ACSM2A: variants seen among roughly 807,000 people sequenced by gnomAD.
ACSM2A encodes the protein acyl-coenzyme A synthetase ACSM2A, mitochondrial.
A neutral mutation model predicts 76.6 loss-of-function variants in ACSM2A; 72 were observed. That is an observed-to-expected ratio of 0.94 (90% CI 0.78 to 1.14). The LOEUF (loss-of-function observed/expected upper bound fraction) is 1.14, where lower values mean the gene tolerates loss of function less well. ACSM2A is among the 50% of genes most tolerant of loss of function. The pLI is 0.00. For synonymous variants in ACSM2A, 249 were observed against 255.9 expected (o/e 0.97, Z 0.26); for missense variants, 684 against 708.5 (o/e 0.97, Z 0.39).
In ACSM2A at chr16:20,481,269, A is replaced by G. The variant is rs185163945; in HGVS notation, c.1509+348A>G. 9.7e-4 allele frequency: 287 copies of G among 296,412 alleles called. 3 individuals carry two copies. The East Asian group carries it at 0.017, about 17-fold the overall frequency. The allele number at this position is 296,412 out of a possible 1,614,324, so 18.4% of individuals were successfully genotyped here. The stretch of plus-strand genomic sequence containing the variant: ...ATCAGCATATCAAGAAGATGTCCAC[A>G]CTCCCATGGTAATTGCAGCACTATT... On this transcript the variant is annotated intron_variant, in intron 12 of 13. Coordinates refer to ENST00000573854, the MANE Select transcript of ACSM2A (RefSeq NM_001308172.2).
In ACSM2A at chr16:20,460,213, G is replaced by C. The variant is rs367576085; in HGVS notation, c.99G>C (p.Leu33=). Residue 33 remains leucine, a synonymous_variant, in exon 2 of 14, where the codon CTG becomes CTC. Transcript: ENST00000573854. The stretch of plus-strand genomic sequence containing the variant: ...TTAATAGTAGGCAACTGGTGTCCCT[G>C]CAGTGGGGCCACCAGGAAGTGCCGG... ...LYINSRQLVS[L]QWGHQEVPAK... 1.5e-5 allele frequency: 24 copies of C among 1,613,446 alleles called. No homozygotes were observed. Among genetic ancestry groups the C allele is most frequent in the Admixed American group, 5.0e-5 (3 of 59,866 alleles).
rs146541514 is a variant in ACSM2A, at chr16:20,465,526, C to A, written c.187C>A (p.Arg63=). The A allele has an allele frequency of 2.4e-4, 382 of 1,613,714 alleles. No individual in the cohort carries two copies. Among genetic ancestry groups the A allele is most frequent in the Non-Finnish European group, 3.1e-4 (360 of 1,179,782 alleles). ...HWADMEKAGK[R]LPSPALWWVN... is the part of the protein sequence containing the mutation. Reference sequence around the variant, plus strand: ...GCTTCTCTTTCCTCAGGCTGGCAAGCGACTCCCAAGCCCAGCCCTGTGGTG... The same window carrying A: ...GCTTCTCTTTCCTCAGGCTGGCAAGAGACTCCCAAGCCCAGCCCTGTGGTG... Residue 63 remains arginine, a synonymous_variant, in exon 3 of 14, where the codon CGA becomes AGA. Transcript: ENST00000573854.
intron 6 of ACSM2A, among the ~76,000 whole-genome samples, chr16:20,473,066 C>G (rs1398242120): frequency 6.6e-6 from 1 of 152,138 alleles, no homozygotes; most frequent in Admixed American, 6.5e-5. Flanking sequence ...TATGAAGATA[C>G]ACCCTATGTT....
intron 9 of ACSM2A, among the ~76,000 whole-genome samples, chr16:20,478,181 G>A (rs1310264003): frequency 3.3e-5 from 5 of 152,260 alleles, no homozygotes; most frequent in Admixed American, 6.5e-5. Flanking sequence ...TTTTATGGGC[G>A]AAAGCACTGA....
intron 3 of ACSM2A, among the ~76,000 whole-genome samples, chr16:20,468,147 A>T (rs1418802943): frequency 6.6e-6 from 1 of 152,160 alleles, no homozygotes; most frequent in African/African-American, 2.4e-5. Flanking sequence ...CCAGAAGGAA[A>T]GGAGAACCCA....
In ACSM2A at chr16:20,462,642, G is replaced by T. The variant is rs920313494; in HGVS notation, c.177+2351G>T. Among the ~76,000 whole-genome samples, 4 of 152,020 alleles carry T rather than the reference G, an allele frequency of 2.6e-5. No homozygotes were observed. The East Asian group carries it at 7.7e-4, about 29-fold the overall frequency. ...AAACTATGATCTGAGAACCCCTGAG[G>T]ATACATGAGACTCTTTCAGGGGATA... is the stretch of plus-strand genomic sequence containing the variant. On this transcript the variant is annotated intron_variant, in intron 2 of 13. Transcript: ENST00000573854.
At chr16:20,457,911 A>G (rs2012291185) in intron 1 of ACSM2A, among the ~76,000 whole-genome samples, 1 of 152,044 alleles carries the variant, frequency 6.6e-6, no homozygotes, top group Non-Finnish European at 1.5e-5. Context: ...GTATACCTAG[A>G]AGACCTTAAA....
chr16:20,451,842 C>T (rs542821997), intron 1 of ACSM2A, among the ~76,000 whole-genome samples, 161 bp downstream of exon 1: 2 of 140,408 alleles, frequency 1.4e-5, no homozygotes, highest in South Asian at 4.9e-4. Context: ...TAGGAGGAAA[C>T]ACTGGGCAGA....
chr16:20,458,110 C>T (rs1350609374), intron 1 of ACSM2A, among the ~76,000 whole-genome samples: 1 of 151,246 alleles, frequency 6.6e-6, no homozygotes, highest in African/African-American at 2.4e-5. Flanking sequence ...TAACCAAAGA[C>T]CTATTCAAGG....
chr16:20,461,541 A>G (rs9934387), intron 2 of ACSM2A, among the ~76,000 whole-genome samples: 60,090 of 151,842 alleles, frequency 0.4, 13,716 homozygotes, highest in East Asian at 0.79. Context: ...AAAACCATGG[A>G]GAAAATATTC....
chr16:20,469,872 A>T (rs28655331), intron 4 of ACSM2A, among the ~76,000 whole-genome samples, 153 bp downstream of exon 4: 2,753 of 67,588 alleles, frequency 0.041, 132 homozygotes, highest in African/African-American at 0.1. Context: ...ACACAAGGGT[A>T]TTTTTTTTTT....
chr16:20,476,791 A>T lies in ACSM2A; in HGVS notation c.1099-578A>T, dbSNP rs1036098706. 3 of 907,328 alleles carry T rather than the reference A, an allele frequency of 3.3e-6. No homozygotes were observed. In the African/African-American group the frequency reaches 5.4e-5, roughly 16 times the overall value. The allele number at this position is 907,328 out of a possible 1,614,324, so 56.2% of individuals were successfully genotyped here. A position where few individuals can be genotyped will look rare whatever the true frequency, so the allele number is the denominator to read the frequency against. On this transcript the variant is annotated intron_variant, in intron 8 of 13. Transcript: ENST00000573854. ...TCTGTCAGTGAGGCATCCACCACTCATTTGTTATTCTGTTGGGAAGGTTCA... is the reference window on the plus strand; with the variant it reads ...TCTGTCAGTGAGGCATCCACCACTCTTTTGTTATTCTGTTGGGAAGGTTCA...
chr16:20,457,192 A>C (rs1424956693), intron 1 of ACSM2A, among the ~76,000 whole-genome samples: 1 of 151,864 alleles, frequency 6.6e-6, no homozygotes, highest in Non-Finnish European at 1.5e-5. Flanking sequence ...CAACGACAAC[A>C]AAAAAGCCAT....
intron 2 of ACSM2A, 150 bp from the exon 3 acceptor site, chr16:20,465,367 T>C: frequency 9.4e-7 from 1 of 1,067,282 alleles, no homozygotes; most frequent in Non-Finnish European, 1.3e-6. Flanking sequence ...ATAACAAGTC[T>C]TTAGAATTTT....
intron 9 of ACSM2A, among the ~76,000 whole-genome samples, chr16:20,478,044 G>A (rs1162386951): frequency 6.6e-6 from 1 of 152,150 alleles, no homozygotes; most frequent in East Asian, 1.9e-4. Flanking sequence ...GTGTAACTTA[G>A]ACTCTATTCA....
chr16:20,487,573 A>G lies in ACSM2A; in HGVS notation c.*895A>G, dbSNP rs1355872852. 6.6e-6 allele frequency: 1 copy of G among 152,218 alleles called. No individual in the cohort carries two copies. The highest frequency in any genetic ancestry group is 2.4e-5 in the African/African-American group (1 of 41,446). 9.4% of individuals were successfully genotyped at this position (152,218 alleles called of 1,614,324 possible). ...ACCTTAGATCATAGCTGTGAGAACA[A>G]CGTAAGCACTGCCAAAGTTATCAGC... On this transcript the variant is annotated 3_prime_UTR_variant, in exon 14 of 14. Transcript: ENST00000573854.
At chr16:20,480,314 GAATACATCAATA>G (rs1292042252) in intron 10 of ACSM2A, among the ~76,000 whole-genome samples, 1 of 152,214 alleles carries the variant, frequency 6.6e-6, no homozygotes, top group Non-Finnish European at 1.5e-5. Context: ...ATGGATGAAT[GAATACATCAATA>G]ATATCTATCA....
At position 20,467,270 on chromosome 16, in the gene ACSM2A, C is replaced by T. The variant is rs906825489; in HGVS notation, c.388+1543C>T. Among the ~76,000 whole-genome samples the T allele has an allele frequency of 6.3e-4, 96 of 152,190 alleles. 2 individuals carry two copies. The highest frequency in any genetic ancestry group is 5.1e-3 in the Admixed American group (78 of 15,292). On this transcript the variant is annotated intron_variant, in intron 3 of 13. Coordinates refer to ENST00000573854, the MANE Select transcript of ACSM2A (RefSeq NM_001308172.2). ...TGGCCAGGTGCTAAACTGGCAGTGC[C>T]TTGTGGTCCTTGGTAAGAGTTGTGG...
intron 2 of ACSM2A, 138 bp from the exon 3 acceptor site, chr16:20,465,379 A>G (rs2012922448): frequency 8.6e-7 from 1 of 1,164,232 alleles, no homozygotes; most frequent in South Asian, 1.6e-5. Flanking sequence ...TAGAATTTTC[A>G]ATACCTTTTA....
Sources: gnomAD v4.1 joint callset for allele counts (sites outside exome capture counted in the v4.1 genomes callset) on GRCh38, gnomAD v4.1.1 for gene constraint, MANE v1.5 for transcripts, NCBI Gene and HGNC (gene_info 2026-07-23, HGNC 2026-07-21) for gene names.